PTPRD: variants seen among roughly 807,000 people sequenced by gnomAD.
PTPRD encodes the protein receptor-type tyrosine-protein phosphatase delta.
A neutral mutation model predicts 214.5 loss-of-function variants in PTPRD; 34 were observed. The ratio of observed to expected loss-of-function variants is 0.16; its 90% confidence interval spans 0.12 to 0.21. The LOEUF (loss-of-function observed/expected upper bound fraction) is 0.21. Among genes scored for constraint, PTPRD ranks in the 10% least tolerant of loss-of-function variants. PTPRD has a pLI of 1.00. For synonymous variants in PTPRD, 1,128 were observed against 845.7 expected (o/e 1.33, Z -5.79); for missense variants, 2,545 against 2,398.7 (o/e 1.06, Z -1.27).
intron 8 of PTPRD, among the ~76,000 whole-genome samples, chr9:9,498,581 T>A (rs2096283383): frequency 1.3e-5 from 2 of 152,064 alleles, no homozygotes; most frequent in African/African-American, 4.8e-5. Context: ...GCAGATTTAC[T>A]GGGGTTGAGA....
chr9:8,834,501 T>C (rs1342635199), intron 11 of PTPRD, among the ~76,000 whole-genome samples: 16 of 152,184 alleles, frequency 1.1e-4, no homozygotes. Context: ...AAAACTGTTC[T>C]ATAAAGGGAG....
At chr9:8,602,906 T>C (rs1483083728) in intron 14 of PTPRD, among the ~76,000 whole-genome samples, 1 of 150,336 alleles carries the variant, frequency 6.7e-6, no homozygotes, top group Non-Finnish European at 1.5e-5. Context: ...TTCATTCATC[T>C]GCATAAACTC....
chr9:9,212,819 A>G (rs140322089), intron 9 of PTPRD, among the ~76,000 whole-genome samples: 216 of 152,174 alleles, frequency 1.4e-3, no homozygotes, highest in African/African-American at 4.9e-3. Flanking sequence ...CATAGTTTCT[A>G]TTTTGCAATG....
At chr9:9,734,325 C>A (rs1333891772) in intron 7 of PTPRD, among the ~76,000 whole-genome samples, 2 of 152,054 alleles carry the variant, frequency 1.3e-5, no homozygotes, top group Non-Finnish European at 1.5e-5. Flanking sequence ...AGTTGAATCT[C>A]CAAGAAGTAT....
chr9:8,403,280 A>G (rs986408782), intron 36 of PTPRD, among the ~76,000 whole-genome samples: 1 of 152,230 alleles, frequency 6.6e-6, no homozygotes, highest in East Asian at 1.9e-4. Flanking sequence ...TTTCAACTAT[A>G]AAGTCCTTAA....
At chr9:9,628,238 A>G in intron 7 of PTPRD, among the ~76,000 whole-genome samples, 1 of 152,060 alleles carries the variant, frequency 6.6e-6, no homozygotes, top group East Asian at 1.9e-4. Context: ...CCCATAACAC[A>G]TGTGTGATAA....
intron 3 of PTPRD, among the ~76,000 whole-genome samples, chr9:10,240,781 T>G (rs2099644772): frequency 6.6e-6 from 1 of 151,894 alleles, no homozygotes; most frequent in African/African-American, 2.4e-5. Flanking sequence ...TAAATCCTAG[T>G]GGCATTTAAT....
chr9:8,418,279 C>G (rs1451006483), intron 35 of PTPRD, among the ~76,000 whole-genome samples: 1 of 151,248 alleles, frequency 6.6e-6, no homozygotes, highest in Admixed American at 6.6e-5. Flanking sequence ...AGCTTAAATC[C>G]CACTCTCCCA....
intron 21 of PTPRD, among the ~76,000 whole-genome samples, chr9:8,515,518 C>A (rs2097767692): frequency 6.6e-6 from 1 of 152,052 alleles, no homozygotes; most frequent in African/African-American, 2.4e-5. Context: ...AGGATCTTTG[C>A]AATGGAATTA....
chr9:8,716,423 A>G (rs2098436828), intron 12 of PTPRD, among the ~76,000 whole-genome samples: 2 of 152,248 alleles, frequency 1.3e-5, no homozygotes, highest in South Asian at 4.1e-4. Flanking sequence ...CTTTACACAA[A>G]CAGAATCAGC....
chr9:9,574,561 C>T (rs2087742937), intron 8 of PTPRD, among the ~76,000 whole-genome samples, 171 bp downstream of exon 8: 1 of 151,920 alleles, frequency 6.6e-6, no homozygotes, highest in Non-Finnish European at 1.5e-5. Context: ...TTACTATAAT[C>T]TATCCAAGAA....
chr9:9,153,772 A>T (rs900591975), intron 10 of PTPRD, among the ~76,000 whole-genome samples: 2 of 152,168 alleles, frequency 1.3e-5, no homozygotes, highest in Admixed American at 1.3e-4. Flanking sequence ...CATCTACTGC[A>T]GTGTTCCACA....
intron 5 of PTPRD, among the ~76,000 whole-genome samples, chr9:9,788,306 C>T (rs1409357033): frequency 6.6e-6 from 1 of 151,300 alleles, no homozygotes; most frequent in Non-Finnish European, 1.5e-5. Flanking sequence ...AATCCCAGCA[C>T]TTTGGGAGGC....
intron 34 of PTPRD, among the ~76,000 whole-genome samples, chr9:8,441,132 G>C (rs748304560): frequency 6.6e-6 from 1 of 152,138 alleles, no homozygotes; most frequent in Non-Finnish European, 1.5e-5. Flanking sequence ...CAGAAAATAC[G>C]CTCATTCCCA....
chr9:10,473,569 G>C (rs944787417), intron 2 of PTPRD, among the ~76,000 whole-genome samples: 2 of 152,074 alleles, frequency 1.3e-5, no homozygotes. Flanking sequence ...TGTAACATCA[G>C]AACTAAATTT....
chr9:8,745,201 T>G (rs940188118), intron 11 of PTPRD, among the ~76,000 whole-genome samples: 4 of 152,174 alleles, frequency 2.6e-5, no homozygotes, highest in Non-Finnish European at 5.9e-5. Context: ...TACAAGGACA[T>G]AATGGAATTA....
chr9:9,465,047 T>C (rs1386779001), intron 8 of PTPRD, among the ~76,000 whole-genome samples: 3 of 152,224 alleles, frequency 2.0e-5, no homozygotes, highest in Non-Finnish European at 4.4e-5. Context: ...TTTCCATATT[T>C]ACAAATATTA....
At chr9:8,917,595 T>G (rs2098796271) in intron 11 of PTPRD, among the ~76,000 whole-genome samples, 1 of 152,142 alleles carries the variant, frequency 6.6e-6, no homozygotes, top group African/African-American at 2.4e-5. Flanking sequence ...TCCTTTCTTT[T>G]TAATCACCCC....
intron 8 of PTPRD, among the ~76,000 whole-genome samples, chr9:9,484,507 T>C (rs1171486234): frequency 6.6e-6 from 1 of 152,156 alleles, no homozygotes; most frequent in African/African-American, 2.4e-5. Context: ...AACAGTCAAA[T>C]TGCATTCAAG....
Sources: gnomAD v4.1 joint callset for allele counts (sites outside exome capture counted in the v4.1 genomes callset) on GRCh38, gnomAD v4.1.1 for gene constraint, MANE v1.5 for transcripts, NCBI Gene and HGNC (gene_info 2026-07-23, HGNC 2026-07-21) for gene names.